FAR2: variants seen among roughly 807,000 people sequenced by gnomAD.
FAR2 encodes epididymis secretory protein Li 81.
In FAR2, 19 loss-of-function variants were observed where a neutral mutation model predicts 56.0. That is an observed-to-expected ratio of 0.34 (90% CI 0.24 to 0.50). The LOEUF (loss-of-function observed/expected upper bound fraction) is 0.50, where lower values mean the gene tolerates loss of function less well. Among genes scored for constraint, FAR2 ranks in the 20% least tolerant of loss-of-function variants. The pLI, the probability that FAR2 is intolerant of heterozygous loss-of-function variation, is 0.98. For synonymous variants in FAR2, 219 were observed against 218.8 expected (o/e 1.00, Z -0.01); for missense variants, 508 against 642.2 (o/e 0.79, Z 2.26).
intron 8 of FAR2, among the ~76,000 whole-genome samples, 165 bp from the exon 9 acceptor site, chr12:29,316,676 C>A (rs917375392): frequency 1.3e-5 from 2 of 152,160 alleles, no homozygotes; most frequent in African/African-American, 4.8e-5. Context: ...TGCAGATAAC[C>A]ATTTGCCCAG....
intron 1 of FAR2, among the ~76,000 whole-genome samples, chr12:29,236,548 G>T (rs1947944920): frequency 6.6e-6 from 1 of 152,138 alleles, no homozygotes; most frequent in Non-Finnish European, 1.5e-5. Context: ...CCTGGCAGCA[G>T]GTGGGAGAGA....
intron 1 of FAR2, among the ~76,000 whole-genome samples, chr12:29,230,060 C>T (rs1481458337): frequency 6.6e-6 from 1 of 151,986 alleles, no homozygotes; most frequent in African/African-American, 2.4e-5. Context: ...GAAGGAAAAA[C>T]AGACTATAAA....
Position 29,207,273 on chromosome 12 carries a change from C to T in FAR2, c.-39+57866C>T, listed in dbSNP as rs998806648. Among the ~76,000 whole-genome samples the T allele has an allele frequency of 7.9e-5, 12 of 152,278 alleles. No individual in the cohort carries two copies. The East Asian group carries it at 1.9e-3, about 25-fold the overall frequency. On this transcript the variant is annotated intron_variant, in intron 1 of 11. Coordinates refer to ENST00000536681, the MANE Select transcript of FAR2 (RefSeq NM_001271783.2). ...CCCACTCTGGCCCCCTGCTTAGAAACTTCGGTTTAACAGGAAATAAGTGTA... is the reference window on the plus strand; with the variant it reads ...CCCACTCTGGCCCCCTGCTTAGAAATTTCGGTTTAACAGGAAATAAGTGTA...
At chr12:29,312,369 A>G (rs1949368119) in intron 8 of FAR2, among the ~76,000 whole-genome samples, 1 of 152,140 alleles carries the variant, frequency 6.6e-6, no homozygotes, top group South Asian at 2.1e-4. Context: ...AAGTTAGGTG[A>G]TATTAATCCT....
At chr12:29,323,569 C>G (rs1270531760) in intron 10 of FAR2, among the ~76,000 whole-genome samples, 2 of 152,196 alleles carry the variant, frequency 1.3e-5, no homozygotes, top group East Asian at 3.9e-4. Flanking sequence ...AATGATCAGG[C>G]AGCAGAATTT....
intron 1 of FAR2, among the ~76,000 whole-genome samples, chr12:29,239,705 T>C (rs994155295): frequency 2.0e-5 from 3 of 152,136 alleles, no homozygotes; most frequent in Non-Finnish European, 4.4e-5. Context: ...GGCAGAGAAA[T>C]ATTATCCTTC....
chr12:29,156,890 G>A (rs1409847104), intron 1 of FAR2: 1 of 151,716 alleles, frequency 6.6e-6, no homozygotes, highest in Non-Finnish European at 1.5e-5. Context: ...TCGAGACCTG[G>A]TGCTTGGCTC....
In FAR2 at chr12:29,155,238, G is replaced by T. The variant is rs533439060; in HGVS notation, c.-39+5831G>T. Among the ~76,000 whole-genome samples the T allele has an allele frequency of 8.3e-4, 127 of 152,304 alleles. 1 individual carries two copies. Among genetic ancestry groups the T allele is most frequent in the African/African-American group, 2.9e-3 (120 of 41,566 alleles). ...GACTCCCCAGGGCCTCTTAGGTCCC[G>T]TGGTAGGCCTGGGCCTTATCTGATC... On this transcript the variant is annotated intron_variant, in intron 1 of 11. Transcript: ENST00000536681.
chr12:29,323,277 A>G (rs1416739425), intron 10 of FAR2, among the ~76,000 whole-genome samples: 6 of 152,220 alleles, frequency 3.9e-5, no homozygotes, highest in African/African-American at 1.4e-4. Flanking sequence ...AGCCCACCAC[A>G]GATCAAGGAG....
At chr12:29,196,818 A>G (rs1361990564) in intron 1 of FAR2, among the ~76,000 whole-genome samples, 1 of 152,184 alleles carries the variant, frequency 6.6e-6, no homozygotes, top group Non-Finnish European at 1.5e-5. Context: ...CAGAGTGAAC[A>G]GACAACCTGC....
intron 1 of FAR2, among the ~76,000 whole-genome samples, chr12:29,267,116 A>T (rs11050161): frequency 1.1e-4 from 16 of 151,918 alleles, no homozygotes; most frequent in Admixed American, 7.9e-4. Context: ...ATCATGAAGT[A>T]TAGTTATATT....
chr12:29,236,327 A>G (rs78129260), intron 1 of FAR2, among the ~76,000 whole-genome samples: 1,853 of 152,320 alleles, frequency 0.012, 30 homozygotes, highest in African/African-American at 0.043. Context: ...GAAGCAGCAA[A>G]TTACACCCTA....
At chr12:29,256,134 A>G (rs7964254) in intron 1 of FAR2, among the ~76,000 whole-genome samples, 20,698 of 152,012 alleles carry the variant, frequency 0.14, 1,543 homozygotes, top group Middle Eastern at 0.28. Context: ...GGCCTCCCAG[A>G]GTGCTAGGAT....
intron 1 of FAR2, among the ~76,000 whole-genome samples, chr12:29,207,391 A>G (rs996869861): frequency 6.6e-6 from 1 of 152,194 alleles, no homozygotes; most frequent in East Asian, 1.9e-4. Flanking sequence ...TACAAGTACT[A>G]TGTAGAATTC....
intron 3 of FAR2, 69 bp downstream of exon 3, chr12:29,293,544 T>TAAA (rs10679359): frequency 2.2e-5 from 25 of 1,143,802 alleles, no homozygotes; most frequent in African/African-American, 9.7e-5. Flanking sequence ...ATAGTTTCTG[T>TAAA]AAAAAAAAAG....
At chr12:29,162,576 G>C (rs1949791107) in intron 1 of FAR2, among the ~76,000 whole-genome samples, 1 of 152,090 alleles carries the variant, frequency 6.6e-6, no homozygotes. Flanking sequence ...CTTGGAAATA[G>C]ATCACTCTAA....
At chr12:29,205,794 G>A (rs540974328) in intron 1 of FAR2, among the ~76,000 whole-genome samples, 2 of 151,976 alleles carry the variant, frequency 1.3e-5, no homozygotes, top group South Asian at 4.2e-4. Flanking sequence ...AAAGGAGGCT[G>A]CAGATGTTTA....
At chr12:29,199,127 G>T (rs576246534) in intron 1 of FAR2, among the ~76,000 whole-genome samples, 1 of 152,194 alleles carries the variant, frequency 6.6e-6, no homozygotes, top group African/African-American at 2.4e-5. Flanking sequence ...TATGACTCAA[G>T]TGTGGGCATA....
intron 9 of FAR2, among the ~76,000 whole-genome samples, chr12:29,319,123 T>G (rs747416401): frequency 3.9e-4 from 60 of 152,036 alleles, no homozygotes; most frequent in Non-Finnish European, 7.9e-4. Flanking sequence ...CTCGAGTAGC[T>G]GGGATTACAG....
Sources: gnomAD v4.1 joint callset for allele counts (sites outside exome capture counted in the v4.1 genomes callset) on GRCh38, gnomAD v4.1.1 for gene constraint, MANE v1.5 for transcripts, NCBI Gene and HGNC (gene_info 2026-07-23, HGNC 2026-07-21) for gene names.